Variants in RAB3IL1 observed in about 807,000 individuals in gnomAD.
The protein encoded by RAB3IL1 is guanine nucleotide exchange factor for Rab-3A.
RAB3IL1 carries 37 observed loss-of-function variants against 49.2 expected under a neutral mutation model. That is an observed-to-expected ratio of 0.75 (90% CI 0.58 to 0.99). The LOEUF (loss-of-function observed/expected upper bound fraction) is 0.99, where lower values mean the gene tolerates loss of function less well. Among genes scored for constraint, RAB3IL1 ranks in the 50% least tolerant of loss-of-function variants. RAB3IL1 has a pLI of 0.00. For synonymous variants in RAB3IL1, 193 were observed against 213.9 expected, an observed-to-expected ratio of 0.90 and a Z score of 0.85; for missense variants, 484 against 513.0, an observed-to-expected ratio of 0.94 and a Z score of 0.55.
In RAB3IL1 at chr11:61,901,990, C is replaced by A. The variant is rs372932880; in HGVS notation, c.999+452G>T. On this transcript the variant is annotated intron_variant, in intron 8 of 9. Transcript: ENST00000394836. The stretch of plus-strand genomic sequence containing the variant: ...GCTGTGTGGCCCGAGTCAGTCTCTG[C>A]GCCTCTCTGAGCCTGTACCCTGCTC... Among the ~76,000 whole-genome samples the A allele has an allele frequency of 3.3e-5, 5 of 152,192 alleles. No individual in the cohort carries two copies. In the East Asian group the frequency reaches 5.8e-4, roughly 18 times the overall value.
intron 8 of RAB3IL1, among the ~76,000 whole-genome samples, chr11:61,900,918 C>T (rs1381078139): frequency 6.6e-6 from 1 of 151,932 alleles, no homozygotes; most frequent in Non-Finnish European, 1.5e-5. Context: ...TAAGTGGCCA[C>T]TGAACAAGGC....
the RAB3IL1 span, among the ~76,000 whole-genome samples, chr11:61,942,036 C>T: frequency 2.0e-5 from 3 of 151,988 alleles, no homozygotes; most frequent in Non-Finnish European, 4.4e-5. Context: ...CATGGTGAAA[C>T]CCCACCTCTA....
chr11:61,906,420 G>A lies in RAB3IL1; in HGVS notation c.657+46C>T. On this transcript the variant is annotated intron_variant, in intron 5 of 9. Transcript: ENST00000394836. This position sits in a 1 kb window ranked among gnomAD's most constrained non-coding sequence, Gnocchi z 4.6. The stretch of plus-strand genomic sequence containing the variant: ...TGGGCTCGGACCCTGCCTACCGCAG[G>A]CACTGCCACCCTTCCCCGTGCCCAG... 2 of 1,501,312 alleles carry A rather than the reference G, an allele frequency of 1.3e-6. No individual in the cohort carries two copies. Among genetic ancestry groups the A allele is most frequent in the Non-Finnish European group, 1.8e-6 (2 of 1,115,056 alleles). 93.0% of individuals were successfully genotyped at this position (1,501,312 alleles called of 1,614,324 possible). A position where few individuals can be genotyped will look rare whatever the true frequency, so the allele number is the denominator to read the frequency against.
At chr11:61,922,470 T>C (rs1357711849), upstream of RAB3IL1, among the ~76,000 whole-genome samples, 1 of 151,164 alleles carries the variant, frequency 6.6e-6, no homozygotes, top group Non-Finnish European at 1.5e-5. Flanking sequence ...TGCGGTGAGC[T>C]GAGATCCCAC....
the RAB3IL1 span, among the ~76,000 whole-genome samples, chr11:61,937,098 T>C: frequency 6.6e-6 from 1 of 152,178 alleles, no homozygotes; most frequent in African/African-American, 2.4e-5. Flanking sequence ...TTTAAACTCC[T>C]CTTTTTTCCC....
chr11:61,946,283 C>T, the RAB3IL1 span, among the ~76,000 whole-genome samples: 1 of 152,194 alleles, frequency 6.6e-6, no homozygotes, highest in Non-Finnish European at 1.5e-5. Flanking sequence ...AGCTGGGTCT[C>T]CTTCTTCCTG....
At chr11:61,914,739 T>A (rs1939604669) in intron 1 of RAB3IL1, among the ~76,000 whole-genome samples, 1 of 149,564 alleles carries the variant, frequency 6.7e-6, no homozygotes, top group African/African-American at 2.4e-5. Context: ...GACCTGGCCA[T>A]TAACAAAGCA....
upstream of RAB3IL1, among the ~76,000 whole-genome samples, chr11:61,921,940 G>A (rs149037697): frequency 0.031 from 4,752 of 152,196 alleles, 114 homozygotes; most frequent in Admixed American, 0.073. Flanking sequence ...TGTAATCCCA[G>A]CACTTTGGGA....
Position 61,906,586 on chromosome 11 carries a change from G to C in RAB3IL1, c.537C>G (p.Ser179Arg). The change falls in exon 5 of 10, where the codon AGC (serine) becomes AGG (arginine). Residue 179 changes from serine to arginine, a missense_variant. By Grantham distance (110) the Ser-to-Arg change is moderately radical. Transcript: ENST00000394836. The surrounding 1 kb of genome is among the most constrained non-coding windows in gnomAD (Gnocchi z 4.6). ...CCTTTCGGGGCCCGGCCTTGGTGGG[G>C]CTCAGCAGCTGGGGGTGAAGCTCGC... ...PNRELHPQLL[S>R]PTKAGPRKGH... 6.2e-7 allele frequency: 1 copy of C among 1,608,462 alleles called. No individual in the cohort carries two copies. Among genetic ancestry groups the C allele is most frequent in the South Asian group, 1.1e-5 (1 of 90,026 alleles).
upstream of RAB3IL1, among the ~76,000 whole-genome samples, chr11:61,921,709 A>G (rs1341907862): frequency 6.6e-6 from 1 of 151,818 alleles, no homozygotes; most frequent in Admixed American, 6.6e-5. Context: ...TGGTACACAG[A>G]CTCCATCCAC....
At chr11:61,900,073 C>T (rs575610149) in intron 8 of RAB3IL1, among the ~76,000 whole-genome samples, 1 of 152,230 alleles carries the variant, frequency 6.6e-6, no homozygotes, top group Non-Finnish European at 1.5e-5. Context: ...GAGGTGCCCC[C>T]CTCTGTACTC....
At chr11:61,945,369 C>T in the RAB3IL1 span, among the ~76,000 whole-genome samples, 8 of 152,180 alleles carry the variant, frequency 5.3e-5, no homozygotes, top group South Asian at 2.1e-4. Context: ...GCCACCGCAG[C>T]GCTAAACACG....
chr11:61,920,020 T>A, upstream of RAB3IL1: 2 of 1,241,250 alleles, frequency 1.6e-6, no homozygotes, highest in Non-Finnish European at 2.0e-6. Flanking sequence ...CTCCCCTCCA[T>A]GCCCCAGGTC....
In RAB3IL1 at chr11:61,908,111, C is replaced by G; in HGVS notation, c.207G>C (p.Met69Ile). ...LDVLRLRSSS[M>I]EIREKGSEFL... ...ACTCGGAGCCCTTCTCTCGGATCTC[C>G]ATGGAAGAGCTGCGCAGGCGCAACA... The change falls in exon 2 of 10, where the codon ATG becomes ATC. Residue 69 changes from methionine to isoleucine, a missense_variant. By Grantham distance (10) the Met-to-Ile change is conservative. Coordinates refer to ENST00000394836, the MANE Select transcript of RAB3IL1 (RefSeq NM_013401.4). 1 of 1,610,046 alleles carries G rather than the reference C, an allele frequency of 6.2e-7. No homozygotes were observed. The highest frequency in any genetic ancestry group is 8.5e-7 in the Non-Finnish European group (1 of 1,179,342).
At chr11:61,917,596 C>T, upstream of RAB3IL1, 1 of 1,055,718 alleles carries the variant, frequency 9.5e-7, no homozygotes, top group Non-Finnish European at 1.1e-6. Context: ...CCCGAGGACA[C>T]GTGCCCGGCC....
At chr11:61,931,636 AGAG>A in the RAB3IL1 span, among the ~76,000 whole-genome samples, 8 of 152,088 alleles carry the variant, frequency 5.3e-5, no homozygotes, top group Admixed American at 3.9e-4. Flanking sequence ...GAGGAGGTGA[AGAG>A]GAGGAGGAGG....
At chr11:61,946,305 C>G in the RAB3IL1 span, among the ~76,000 whole-genome samples, 1 of 152,316 alleles carries the variant, frequency 6.6e-6, no homozygotes, top group East Asian at 1.9e-4. Context: ...CCAGCTGAGG[C>G]AGGGCCTAGA....
At position 61,917,530 on chromosome 11, in the gene RAB3IL1, C is replaced by CCCCAG. The variant is rs1033563305; in HGVS notation, c.-168_-164dup. 3.1e-4 allele frequency: 351 copies of CCCCAG among 1,115,756 alleles called. 1 individual carries two copies. Among genetic ancestry groups the CCCCAG allele is most frequent in the East Asian group, 6.8e-4 (13 of 19,078 alleles). The allele number at this position is 1,115,756 out of a possible 1,614,324, so 69.1% of individuals were successfully genotyped here. On this transcript the variant is annotated 5_prime_UTR_variant, in exon 1 of 10. Transcript: ENST00000394836. ...GGTCTCAGACGCCTGGGCTCGCGGCCCCCAGCCCAGCCCCGACCCTGCCCT... is the reference window on the plus strand; with the variant it reads ...GGTCTCAGACGCCTGGGCTCGCGGCCCCCAGCCCAGCCCAGCCCCGACCCTGCCCT...
chr11:61,934,448 A>ATG, the RAB3IL1 span, among the ~76,000 whole-genome samples: 303 of 20,302 alleles, frequency 0.015, 11 homozygotes, highest in Middle Eastern at 0.056. Flanking sequence ...GTGTGTGTGT[A>ATG]TGTATATATA....
Sources: gnomAD v4.1 joint callset for allele counts (sites outside exome capture counted in the v4.1 genomes callset) on GRCh38, gnomAD v4.1.1 for gene constraint, Gnocchi (gnomAD v3.1) non-coding constraint, MANE v1.5 for transcripts, NCBI Gene and HGNC (gene_info 2026-07-23, HGNC 2026-07-21) for gene names.